The following CSMD3 variants were observed in gnomAD, a reference collection of about 807,000 sequenced individuals.
CSMD3 encodes CUB and Sushi multiple domains 3.
In CSMD3, 177 loss-of-function variants were observed where a neutral mutation model predicts 435.2. That is an observed-to-expected ratio of 0.41 (90% CI 0.36 to 0.46). The LOEUF is 0.46. Ranked by LOEUF, CSMD3 falls within the 20% of genes least tolerant of loss-of-function variation. The probability of loss-of-function intolerance (pLI) is 0.34; values close to 1 mark genes in which losing one functional copy is unlikely to be tolerated. For synonymous variants in CSMD3, 1,656 were observed against 1,520.5 expected (o/e 1.09, Z -2.07); for missense variants, 4,265 against 4,504.6 (o/e 0.95, Z 1.52).
At position 112,666,238 on chromosome 8, in the gene CSMD3, T is replaced by C. The variant is rs768614613; in HGVS notation, c.2816+39A>G. On this transcript the variant is annotated intron_variant, in intron 17 of 70. Coordinates refer to ENST00000297405, the MANE Select transcript of CSMD3 (RefSeq NM_198123.2). Reference sequence around the variant, plus strand: ...AGAGAATGTCAACTAATCTTTTAGATAATATTTTCTTTAAAAGTAGGAAAA... The same window carrying C: ...AGAGAATGTCAACTAATCTTTTAGACAATATTTTCTTTAAAAGTAGGAAAA... 3.5e-6 allele frequency: 5 copies of C among 1,437,716 alleles called. No homozygotes were observed. The East Asian group carries it at 6.9e-5, about 20-fold the overall frequency. 89.1% of individuals were successfully genotyped at this position (1,437,716 alleles called of 1,614,324 possible). A position where few individuals can be genotyped will look rare whatever the true frequency, so the allele number is the denominator to read the frequency against.
chr8:112,418,321 T>A (rs1014674270), intron 32 of CSMD3, among the ~76,000 whole-genome samples: 1 of 152,180 alleles, frequency 6.6e-6, no homozygotes, highest in African/African-American at 2.4e-5. Flanking sequence ...TTGTTACATA[T>A]GTATACATGT....
intron 9 of CSMD3, among the ~76,000 whole-genome samples, chr8:112,926,240 A>ATGTGTG (rs71309796): frequency 0.04 from 6,016 of 150,314 alleles, 265 homozygotes; most frequent in East Asian, 0.14. Context: ...CTCATTAAAT[A>ATGTGTG]TGTGTGTGTG....
At chr8:112,652,026 A>T (rs1309569152) in intron 18 of CSMD3, among the ~76,000 whole-genome samples, 1 of 152,164 alleles carries the variant, frequency 6.6e-6, no homozygotes, top group Non-Finnish European at 1.5e-5. Context: ...AGTATCTTTC[A>T]TCTCCAATTT....
chr8:112,415,704 G>A (rs1006390997), intron 32 of CSMD3, among the ~76,000 whole-genome samples: 1 of 152,226 alleles, frequency 6.6e-6, no homozygotes, highest in Non-Finnish European at 1.5e-5. Flanking sequence ...CAATGCCACA[G>A]AGGTGGAGTT....
At chr8:113,246,089 A>C (rs2093273304) in intron 3 of CSMD3, among the ~76,000 whole-genome samples, 1 of 151,900 alleles carries the variant, frequency 6.6e-6, no homozygotes. Context: ...CCTTGAGTTT[A>C]TCTTACTTGA....
rs1056826203 is a variant in CSMD3, at chr8:113,203,168, T to C, written c.515-29252A>G. On this transcript the variant is annotated intron_variant, in intron 3 of 70. Coordinates refer to ENST00000297405, the MANE Select transcript of CSMD3 (RefSeq NM_198123.2). The stretch of plus-strand genomic sequence containing the variant: ...AAAATGATAAATGTTTGAAATGATA[T>C]ATATGCTAATGACCTGACCTGATCA... Among the ~76,000 whole-genome samples the C allele has an allele frequency of 3.3e-5, 5 of 152,166 alleles. No individual in the cohort carries two copies. The East Asian group carries it at 9.6e-4, about 29-fold the overall frequency.
chr8:113,038,011 G>C (rs1321491085), intron 5 of CSMD3, among the ~76,000 whole-genome samples: 2 of 152,134 alleles, frequency 1.3e-5, no homozygotes, highest in Non-Finnish European at 1.5e-5. Context: ...TGGTGGCTGG[G>C]ACTGTCATAG....
intron 22 of CSMD3, among the ~76,000 whole-genome samples, chr8:112,589,593 C>A (rs1459836760): frequency 6.6e-6 from 1 of 152,128 alleles, no homozygotes; most frequent in Admixed American, 6.6e-5. Flanking sequence ...TTATATATAA[C>A]ATGATTAGCA....
intron 10 of CSMD3, among the ~76,000 whole-genome samples, chr8:112,869,871 CG>C (rs1413552341): frequency 6.6e-6 from 1 of 151,910 alleles, no homozygotes; most frequent in Non-Finnish European, 1.5e-5. Flanking sequence ...ATTGCACACC[CG>C]GGCCTGTTGG....
intron 1 of CSMD3, among the ~76,000 whole-genome samples, chr8:113,334,344 A>G (rs971485291): frequency 8.3e-6 from 1 of 121,120 alleles, no homozygotes; most frequent in African/African-American, 3.0e-5. Context: ...TTGGGATGAT[A>G]TACTTATTTT....
At chr8:113,062,817 A>C (rs893312479) in intron 5 of CSMD3, among the ~76,000 whole-genome samples, 7 of 151,844 alleles carry the variant, frequency 4.6e-5, no homozygotes, top group African/African-American at 1.7e-4. Flanking sequence ...AATAGTATGT[A>C]TGGTATAACC....
chr8:112,433,667 AAAAAAGAAAG>A (rs1813987575), intron 32 of CSMD3, among the ~76,000 whole-genome samples: 1 of 150,526 alleles, frequency 6.6e-6, no homozygotes, highest in African/African-American at 2.4e-5. Context: ...AAAAAAAAAA[AAAAAAGAAAG>A]AAAGAAAGAA....
intron 4 of CSMD3, among the ~76,000 whole-genome samples, chr8:113,109,125 C>T (rs1204468450): frequency 6.6e-6 from 1 of 152,218 alleles, no homozygotes; most frequent in Non-Finnish European, 1.5e-5. Flanking sequence ...GATAAAGACT[C>T]ACACATATTC....
At chr8:112,577,003 T>G (rs1829997430) in intron 23 of CSMD3, among the ~76,000 whole-genome samples, 2 of 152,186 alleles carry the variant, frequency 1.3e-5, no homozygotes, top group East Asian at 3.9e-4. Context: ...TAACTACAAT[T>G]TATTTAACAC....
chr8:112,493,024 C>T (rs1820856699), intron 30 of CSMD3, among the ~76,000 whole-genome samples: 5 of 152,122 alleles, frequency 3.3e-5, no homozygotes, highest in Admixed American at 3.3e-4. Flanking sequence ...GGACAGCTGA[C>T]TGTTTTTTAT....
At chr8:112,496,723 T>C (rs1346125327) in intron 30 of CSMD3, among the ~76,000 whole-genome samples, 1 of 152,162 alleles carries the variant, frequency 6.6e-6, no homozygotes, top group Non-Finnish European at 1.5e-5. Context: ...TTCTTACTTA[T>C]TTGTGGGAGC....
At chr8:113,337,025 A>G (rs559163223) in intron 1 of CSMD3, among the ~76,000 whole-genome samples, 5 of 152,232 alleles carry the variant, frequency 3.3e-5, no homozygotes, top group Non-Finnish European at 7.4e-5. Flanking sequence ...TATCAACTCA[A>G]CGGTTTTTTG....
At chr8:112,321,625 A>C (rs1255279264) in intron 45 of CSMD3, among the ~76,000 whole-genome samples, 1 of 152,146 alleles carries the variant, frequency 6.6e-6, no homozygotes, top group Non-Finnish European at 1.5e-5. Context: ...GACAAAGAAA[A>C]GAAAGACTTT....
At chr8:113,365,441 G>A (rs1412843696) in intron 1 of CSMD3, among the ~76,000 whole-genome samples, 4 of 152,006 alleles carry the variant, frequency 2.6e-5, no homozygotes, top group Non-Finnish European at 4.4e-5. Context: ...ATCCTTTAGA[G>A]ACAGAGCTTT....
Sources: gnomAD v4.1 joint callset for allele counts (sites outside exome capture counted in the v4.1 genomes callset) on GRCh38, gnomAD v4.1.1 for gene constraint, MANE v1.5 for transcripts, NCBI Gene and HGNC (gene_info 2026-07-23, HGNC 2026-07-21) for gene names.